Variants in ARHGEF7 observed in about 807,000 individuals in gnomAD.
ARHGEF7 encodes PAK-interacting exchange factor beta.
Under a neutral mutation model 109.8 loss-of-function variants are expected in ARHGEF7, and 33 were observed. The ratio of observed to expected loss-of-function variants is 0.30; its 90% confidence interval spans 0.23 to 0.40. ARHGEF7 has a LOEUF of 0.40. ARHGEF7 is among the 10% of genes least tolerant of loss of function. The probability of loss-of-function intolerance (pLI) is 1.00; values close to 1 mark genes in which losing one functional copy is unlikely to be tolerated. For missense variants in ARHGEF7, 938 were observed against 1,098.5 expected (o/e 0.85, Z 2.07); for synonymous variants, 458 against 424.6 (o/e 1.08, Z -0.97).
chr13:111,166,983 G>C (rs937827925), intron 2 of ARHGEF7, among the ~76,000 whole-genome samples: 1 of 152,144 alleles, frequency 6.6e-6, no homozygotes, highest in African/African-American at 2.4e-5. Flanking sequence ...TGAAGGGCTG[G>C]GGGAGGAAGT....
intron 2 of ARHGEF7, among the ~76,000 whole-genome samples, chr13:111,175,641 G>T (rs371896115): frequency 2.6e-5 from 4 of 152,176 alleles, no homozygotes; most frequent in African/African-American, 9.7e-5. Context: ...TGCTCCAGGC[G>T]CTTTGAAAGG....
In ARHGEF7 at chr13:111,286,204, C is replaced by T. The variant is rs1335973429; in HGVS notation, c.2008C>T (p.Arg670Trp). ...GCTGCTGCCCAAGCGCAAACCTGAA[C>T]GGAAGCCTTCAGATGAGGAGTTCGC... ...KKLLPKRKPE[R>W]KPSDEEFASR... The change falls in exon 17 of 22, where the codon CGG becomes TGG. Residue 670 changes from arginine (R) to tryptophan (W), a missense_variant. Coordinates refer to ENST00000646102, the MANE Select transcript of ARHGEF7 (RefSeq NM_001354046.2). The T allele has an allele frequency of 1.2e-6, 2 of 1,613,928 alleles. No homozygotes were observed. Among genetic ancestry groups the T allele is most frequent in the African/African-American group, 1.3e-5 (1 of 74,900 alleles).
intron 2 of ARHGEF7, among the ~76,000 whole-genome samples, chr13:111,159,439 T>C (rs865980836): frequency 2.0e-5 from 3 of 152,248 alleles, no homozygotes; most frequent in Non-Finnish European, 4.4e-5. Flanking sequence ...ATTCTGTTTT[T>C]AGATTTTGGA....
At chr13:111,234,644 A>G (rs944794816) in intron 6 of ARHGEF7, among the ~76,000 whole-genome samples, 2 of 152,126 alleles carry the variant, frequency 1.3e-5, no homozygotes, top group African/African-American at 2.4e-5. Flanking sequence ...ATTAGTGGCA[A>G]TCTTTGACTT....
intron 2 of ARHGEF7, among the ~76,000 whole-genome samples, chr13:111,180,081 C>A (rs571261726): frequency 6.6e-6 from 1 of 152,184 alleles, no homozygotes; most frequent in Non-Finnish European, 1.5e-5. Context: ...TATGGTGGTT[C>A]AGGTGGTTCT....
chr13:111,273,893 C>T lies in ARHGEF7; in HGVS notation c.1153C>T (p.Pro385Ser), dbSNP rs1567037773. 7 of 1,614,192 alleles carry T rather than the reference C, an allele frequency of 4.3e-6. No individual in the cohort carries two copies. Among genetic ancestry groups the T allele is most frequent in the Non-Finnish European group, 5.9e-6 (7 of 1,180,040 alleles). ...CGTGCTGACCACGGGCCTGAGCAAA[C>T]CCTTCATGCGCCTGGATAAATACCC... ...ILVLTTGLSK[P>S]FMRLDKYPTL... The change falls in exon 10 of 22, where the codon CCC becomes TCC. Residue 385 changes from proline (P) to serine (S), a missense_variant. This residue lies in a region of ARHGEF7 where 585 missense variants were observed against 723.6 expected (regional missense o/e 0.81). Coordinates refer to ENST00000646102, the MANE Select transcript of ARHGEF7 (RefSeq NM_001354046.2). This position sits in a 1 kb window ranked among gnomAD's most constrained non-coding sequence, Gnocchi z 4.5.
intron 7 of ARHGEF7, 53 bp from the exon 8 acceptor site, chr13:111,244,146 G>T (rs928499638): frequency 3.6e-5 from 51 of 1,402,182 alleles, no homozygotes; most frequent in Non-Finnish European, 4.6e-5. Context: ...CAAAGGAGAA[G>T]AATATAAATA....
At chr13:111,151,234 C>A (rs533228389) in intron 1 of ARHGEF7, among the ~76,000 whole-genome samples, 1 of 152,356 alleles carries the variant, frequency 6.6e-6, no homozygotes, top group Non-Finnish European at 1.5e-5. Flanking sequence ...TTTACCATAA[C>A]CCTTTAACCC....
intron 2 of ARHGEF7, among the ~76,000 whole-genome samples, chr13:111,194,500 C>T (rs1347927520): frequency 6.6e-6 from 1 of 152,200 alleles, no homozygotes; most frequent in Non-Finnish European, 1.5e-5. Context: ...CGTACTCATT[C>T]CTTTCTGAGG....
intron 2 of ARHGEF7, chr13:111,203,211 C>A: frequency 1.4e-6 from 1 of 705,672 alleles, no homozygotes; most frequent in Non-Finnish European, 2.0e-6. Flanking sequence ...AAGATTAGAT[C>A]TGTAGAGCTG....
intron 19 of ARHGEF7, among the ~76,000 whole-genome samples, chr13:111,299,602 A>G (rs1227265102): frequency 6.6e-6 from 1 of 152,136 alleles, no homozygotes; most frequent in Non-Finnish European, 1.5e-5. Context: ...TCCGCCTCCC[A>G]AAGTGCTGGG....
At chr13:111,180,658 G>A (rs1407007919) in intron 2 of ARHGEF7, among the ~76,000 whole-genome samples, 1 of 152,146 alleles carries the variant, frequency 6.6e-6, no homozygotes, top group East Asian at 1.9e-4. Context: ...TTTACTAGGT[G>A]GCAGAGTTGG....
At chr13:111,238,610 G>A (rs1472071533) in intron 6 of ARHGEF7, among the ~76,000 whole-genome samples, 2 of 152,196 alleles carry the variant, frequency 1.3e-5, no homozygotes, top group African/African-American at 4.8e-5. Context: ...CGAGCTTGGT[G>A]GATTTGACAG....
intron 8 of ARHGEF7, among the ~76,000 whole-genome samples, chr13:111,262,426 G>A (rs943237976): frequency 6.6e-6 from 1 of 152,272 alleles, no homozygotes; most frequent in East Asian, 1.9e-4. Flanking sequence ...GTGTGTGTGT[G>A]TGTCTATCTC....
intron 1 of ARHGEF7, among the ~76,000 whole-genome samples, chr13:111,130,410 A>T (rs2074681320): frequency 6.6e-6 from 1 of 152,236 alleles, no homozygotes; most frequent in Non-Finnish European, 1.5e-5. Flanking sequence ...TGTTGAGTGT[A>T]ATGGAGCTTT....
chr13:111,116,361 C>A (rs2066781231), intron 1 of ARHGEF7: 1 of 152,712 alleles, frequency 6.5e-6, no homozygotes, highest in Admixed American at 6.5e-5. Context: ...TTTAGTCCTG[C>A]AGGCACTGCT....
chr13:111,296,416 G>T (rs1229222798), intron 19 of ARHGEF7, among the ~76,000 whole-genome samples: 4 of 152,216 alleles, frequency 2.6e-5, no homozygotes, highest in Non-Finnish European at 4.4e-5. Context: ...GCCCCTGAGA[G>T]TGGAATGCTT....
intron 3 of ARHGEF7, among the ~76,000 whole-genome samples, chr13:111,206,419 C>A (rs537651568): frequency 8.7e-4 from 132 of 152,236 alleles, no homozygotes; most frequent in African/African-American, 3.0e-3. Flanking sequence ...GATGCTGATG[C>A]CCCGGCGAGA....
chr13:111,245,714 C>T (rs917455469), intron 8 of ARHGEF7, among the ~76,000 whole-genome samples: 2 of 152,170 alleles, frequency 1.3e-5, no homozygotes, highest in Admixed American at 6.5e-5. Context: ...GGGCCAAATG[C>T]GTTGTTGATG....
Sources: allele counts gnomAD v4.1 joint callset (sites outside exome capture counted in the v4.1 genomes callset), GRCh38; gene constraint gnomAD v4.1.1; regional missense constraint gnomAD v4.1.1; non-coding constraint Gnocchi (gnomAD v3.1); transcripts MANE v1.5; gene names NCBI Gene and HGNC (gene_info 2026-07-23, HGNC 2026-07-21).